Variants in FOCAD observed in about 807,000 individuals in gnomAD.
FOCAD encodes KIAA1797.
In FOCAD, 198 loss-of-function variants were observed where a neutral mutation model predicts 225.6. The ratio of observed to expected loss-of-function variants is 0.88; its 90% CI spans 0.78 to 0.99. FOCAD has a LOEUF of 0.99. FOCAD is among the 50% of genes least tolerant of loss of function. The pLI is 0.00. For missense variants in FOCAD, 2,713 were observed against 2,123.6 expected (o/e 1.28, Z -5.46); for synonymous variants, 897 against 755.0 (o/e 1.19, Z -3.08).
chr9:20,864,371 A>G (rs376840650), intron 16 of FOCAD, among the ~76,000 whole-genome samples: 2 of 152,080 alleles, frequency 1.3e-5, no homozygotes, highest in South Asian at 2.1e-4. Flanking sequence ...CTGCACTCCA[A>G]TAAAACCAAA....
At chr9:20,822,601 C>A (rs1587305391) in intron 14 of FOCAD, among the ~76,000 whole-genome samples, 1 of 151,974 alleles carries the variant, frequency 6.6e-6, no homozygotes, top group Non-Finnish European at 1.5e-5. Flanking sequence ...TTTTCAAATT[C>A]CTGCTTTTGT....
rs193237842 is a variant in FOCAD at position 20,667,559 on chromosome 9, C to G, written c.-78+8733C>G. 3.6e-3 allele frequency among the ~76,000 whole-genome samples: 544 copies of G among 152,308 alleles called. 2 individuals are homozygous for G. The highest frequency in any genetic ancestry group is 7.2e-3 in the South Asian group (35 of 4,830). ...ATCCCTGACAAAGGAATCTTTCTTTCTAATGCTGCAATATTAGCCTGGGGT... is the reference window on the plus strand; with the variant it reads ...ATCCCTGACAAAGGAATCTTTCTTTGTAATGCTGCAATATTAGCCTGGGGT... On this transcript the variant is annotated intron_variant, in intron 2 of 45. Coordinates refer to the FOCAD transcript ENST00000380249.
intron 1 of FOCAD, among the ~76,000 whole-genome samples, chr9:20,710,456 G>A (rs888629663): frequency 3.3e-5 from 5 of 151,700 alleles, no homozygotes; most frequent in African/African-American, 9.7e-5. Context: ...AATTAGCCAG[G>A]CGTGGTGGCG....
At chr9:20,665,427 T>C (rs1821871852) in intron 2 of FOCAD, among the ~76,000 whole-genome samples, 1 of 152,180 alleles carries the variant, frequency 6.6e-6, no homozygotes, top group South Asian at 2.1e-4. Context: ...AGCTAATTCA[T>C]CTCTTTATCT....
chr9:20,988,203 A>G (rs1381427154), intron 40 of FOCAD, 129 bp from the exon 41 acceptor site: 3 of 513,984 alleles, frequency 5.8e-6, no homozygotes, highest in Non-Finnish European at 1.1e-5. Context: ...GGGTATTGCA[A>G]GGGAACATGA....
At chr9:20,931,959 G>A (rs1450403593) in intron 27 of FOCAD, among the ~76,000 whole-genome samples, 1 of 150,706 alleles carries the variant, frequency 6.6e-6, no homozygotes, top group Non-Finnish European at 1.5e-5. Flanking sequence ...TTTTTGCTAA[G>A]GCTTATGAAA....
At chr9:20,764,806 C>G (rs957953203) in intron 6 of FOCAD, 63 bp from the exon 7 acceptor site, 4 of 1,264,858 alleles carry the variant, frequency 3.2e-6, no homozygotes, top group Non-Finnish European at 3.4e-6. Flanking sequence ...TTGATATTTG[C>G]CACTTACCTG....
intron 1 of FOCAD, among the ~76,000 whole-genome samples, chr9:20,708,178 T>C (rs976171709): frequency 3.9e-5 from 6 of 152,170 alleles, no homozygotes; most frequent in Admixed American, 3.3e-4. Flanking sequence ...ATAGTGCCCA[T>C]CAGCTTTTCT....
Position 20,854,776 on chromosome 9 carries a change from C to T in FOCAD, c.1921-7802C>T, listed in dbSNP as rs148553004. Among the ~76,000 whole-genome samples, 89 of 151,734 alleles carry T rather than the reference C, an allele frequency of 5.9e-4. 1 individual carries two copies. In the South Asian group the frequency reaches 8.7e-3, roughly 15 times the overall value. On this transcript the variant is annotated intron_variant, in intron 15 of 43. Transcript: ENST00000338382. ...TCTGAGTCATTCGTACATAAATATT[C>T]GTATGCTATATGTGGATGATTTCTA...
intron 12 of FOCAD, 87 bp downstream of exon 12, chr9:20,819,987 C>A: frequency 1.2e-6 from 1 of 826,532 alleles, no homozygotes; most frequent in Non-Finnish European, 1.9e-6. Context: ...AATTTTAAGC[C>A]CTAAATTTTG....
chr9:20,913,281 C>T (rs1308186599), intron 23 of FOCAD, among the ~76,000 whole-genome samples: 1 of 151,606 alleles, frequency 6.6e-6, no homozygotes. Context: ...TTCTTTTTTT[C>T]CCACTCTGTT....
intron 35 of FOCAD, among the ~76,000 whole-genome samples, chr9:20,971,768 T>G (rs1362293616): frequency 6.6e-6 from 1 of 151,922 alleles, no homozygotes; most frequent in African/African-American, 2.4e-5. Flanking sequence ...CCCACCCCTC[T>G]CCCTATCCCC....
At chr9:20,757,965 G>A in intron 5 of FOCAD, 125 bp from the exon 6 acceptor site, 1 of 481,782 alleles carries the variant, frequency 2.1e-6, no homozygotes, top group Non-Finnish European at 3.7e-6. Context: ...ATCATTTTGT[G>A]ACAATTATGA....
intron 1 of FOCAD, among the ~76,000 whole-genome samples, chr9:20,685,646 G>A (rs1015345818): frequency 1.3e-5 from 2 of 152,160 alleles, no homozygotes; most frequent in African/African-American, 4.8e-5. Flanking sequence ...AATTTTCAAA[G>A]CATTTTCACT....
chr9:20,887,345 C>T (rs1280597915), intron 21 of FOCAD, among the ~76,000 whole-genome samples: 1 of 152,076 alleles, frequency 6.6e-6, no homozygotes, highest in African/African-American at 2.4e-5. Context: ...AGGGATTCTC[C>T]TGCCTCAGCC....
intron 21 of FOCAD, among the ~76,000 whole-genome samples, chr9:20,892,870 A>C (rs1024772194): frequency 6.6e-6 from 1 of 152,152 alleles, no homozygotes; most frequent in Non-Finnish European, 1.5e-5. Flanking sequence ...TGTTATCTTA[A>C]GAAATTGACA....
At position 20,918,841 on chromosome 9, in the gene FOCAD, G is replaced by C. The variant is rs192812308; in HGVS notation, c.2852+1904G>C. On this transcript the variant is annotated intron_variant, in intron 24 of 43. Coordinates refer to ENST00000338382, the MANE Select transcript of FOCAD (RefSeq NM_001375567.1). The stretch of plus-strand genomic sequence containing the variant: ...GATATTTTAGGTCTGGAGGCTGAGA[G>C]ATTGGTGATAGAGCAGGGGAAAAAA... Among the ~76,000 whole-genome samples the C allele has an allele frequency of 5.9e-5, 9 of 152,290 alleles. No homozygotes were observed. In the East Asian group the frequency reaches 1.4e-3, roughly 23 times the overall value.
chr9:20,884,310 A>T (rs1163463751), intron 20 of FOCAD, among the ~76,000 whole-genome samples: 1 of 152,146 alleles, frequency 6.6e-6, no homozygotes, highest in Non-Finnish European at 1.5e-5. Context: ...TATTACGTTT[A>T]TATTTTGAGA....
intron 15 of FOCAD, among the ~76,000 whole-genome samples, chr9:20,858,772 T>C (rs1828470128): frequency 6.6e-6 from 1 of 152,110 alleles, no homozygotes; most frequent in Admixed American, 6.5e-5. Context: ...GTATCCCATA[T>C]GTTTTGGTAT....
Sources: allele counts gnomAD v4.1 joint callset (sites outside exome capture counted in the v4.1 genomes callset), GRCh38; gene constraint gnomAD v4.1.1; transcripts MANE v1.5; gene names NCBI Gene and HGNC (gene_info 2026-07-23, HGNC 2026-07-21).